Variants in DNAH11 observed in about 807,000 individuals in gnomAD.
DNAH11 encodes the protein axonemal beta dynein heavy chain 11.
In DNAH11, 442 loss-of-function variants were observed where a neutral mutation model predicts 526.0. The observed-to-expected ratio is 0.84, with a 90% CI of 0.78 to 0.91. DNAH11 has a LOEUF of 0.91. Among genes scored for constraint, DNAH11 ranks in the 40% least tolerant of loss-of-function variants. DNAH11 has a pLI of 0.00. For missense variants in DNAH11, 6,989 were observed against 5,448.7 expected (o/e 1.28, Z -8.90); for synonymous variants, 2,461 against 1,935.9 (o/e 1.27, Z -7.12).
At chr7:21,785,314 C>T (rs955477242) in intron 58 of DNAH11, among the ~76,000 whole-genome samples, 2 of 152,144 alleles carry the variant, frequency 1.3e-5, no homozygotes, top group African/African-American at 4.8e-5. Flanking sequence ...TAAGGAGATA[C>T]TTACATGGGT....
At chr7:21,589,453 A>C in intron 12 of DNAH11, 50 bp downstream of exon 12, 2 of 1,420,416 alleles carry the variant, frequency 1.4e-6, no homozygotes, top group Non-Finnish European at 1.9e-6. Context: ...TTTTATTATA[A>C]GCCTATTTCT....
intron 57 of DNAH11, among the ~76,000 whole-genome samples, 158 bp downstream of exon 57, chr7:21,779,262 C>G (rs1562540727): frequency 6.6e-6 from 1 of 152,214 alleles, no homozygotes; most frequent in East Asian, 1.9e-4. Flanking sequence ...GTGATTACCA[C>G]TTGACCTTTC....
intron 9 of DNAH11, among the ~76,000 whole-genome samples, chr7:21,582,620 A>G (rs1784351507): frequency 6.6e-6 from 1 of 152,222 alleles, no homozygotes; most frequent in Non-Finnish European, 1.5e-5. Context: ...TAAGAGTTAT[A>G]TAAAAGAAAA....
chr7:21,745,194 T>A, intron 51 of DNAH11, 131 bp downstream of exon 51: 2 of 953,578 alleles, frequency 2.1e-6, no homozygotes, highest in Non-Finnish European at 3.0e-6. Context: ...CATATAATTT[T>A]AAAATATAAA....
intron 55 of DNAH11, 54 bp downstream of exon 55, chr7:21,765,643 C>CACACAG: frequency 7.6e-7 from 1 of 1,312,084 alleles, no homozygotes; most frequent in East Asian, 3.0e-5. Flanking sequence ...CACACACACA[C>CACACAG]ACACACACAC....
intron 28 of DNAH11, among the ~76,000 whole-genome samples, chr7:21,655,612 C>T (rs1007648046): frequency 6.6e-6 from 1 of 152,130 alleles, no homozygotes; most frequent in African/African-American, 2.4e-5. Context: ...AAGCATTCAT[C>T]AGCCAGTATG....
chr7:21,784,371 A>C, intron 57 of DNAH11, 56 bp from the exon 58 acceptor site: 58 of 1,312,782 alleles, frequency 4.4e-5, no homozygotes, highest in Non-Finnish European at 5.5e-5. Flanking sequence ...ATTTTTCTTT[A>C]GAGATATCTG....
intron 74 of DNAH11, among the ~76,000 whole-genome samples, chr7:21,875,152 C>T (rs1003505146): frequency 6.6e-6 from 1 of 152,106 alleles, no homozygotes; most frequent in Non-Finnish European, 1.5e-5. Context: ...CTCAAAAAAT[C>T]TTTTTGAAAC....
chr7:21,593,810 TCTC>T (rs1291409450), intron 14 of DNAH11, among the ~76,000 whole-genome samples: 7 of 151,928 alleles, frequency 4.6e-5, no homozygotes, highest in Admixed American at 6.6e-5. Context: ...TGTGGAGTCT[TCTC>T]TATAGACCAG....
intron 5 of DNAH11, among the ~76,000 whole-genome samples, chr7:21,561,981 T>C (rs1169736950): frequency 6.6e-6 from 1 of 152,214 alleles, no homozygotes; most frequent in African/African-American, 2.4e-5. Context: ...CTTTAGGGTT[T>C]TCTGCATGAA....
intron 26 of DNAH11, among the ~76,000 whole-genome samples, chr7:21,637,289 C>T (rs1372912438): frequency 8.6e-5 from 13 of 151,846 alleles, no homozygotes; most frequent in African/African-American, 2.9e-4. Context: ...TCTTTTTCCT[C>T]TTCCCATTCT....
intron 65 of DNAH11, among the ~76,000 whole-genome samples, chr7:21,835,242 C>A (rs10274981): frequency 0.032 from 2,666 of 83,062 alleles, 78 homozygotes; most frequent in African/African-American, 0.13. Flanking sequence ...AAAAAAAAAA[C>A]AGAGGGAGTT....
intron 25 of DNAH11, among the ~76,000 whole-genome samples, chr7:21,630,463 T>C (rs1786552921): frequency 6.6e-6 from 1 of 152,240 alleles, no homozygotes; most frequent in African/African-American, 2.4e-5. Context: ...TATTTCAGAT[T>C]GAAGAATTTC....
intron 2 of DNAH11, among the ~76,000 whole-genome samples, chr7:21,552,842 T>G (rs1277769001): frequency 6.6e-6 from 1 of 152,102 alleles, no homozygotes; most frequent in African/African-American, 2.4e-5. Context: ...CTTATGTTCA[T>G]AGGGTATCTT....
intron 63 of DNAH11, among the ~76,000 whole-genome samples, chr7:21,811,547 G>T (rs1789524556): frequency 1.3e-5 from 2 of 152,172 alleles, no homozygotes; most frequent in South Asian, 2.1e-4. Flanking sequence ...AAGTGGAATG[G>T]TGGTTACCAG....
chr7:21,742,220 T>A (rs1009455322), intron 49 of DNAH11, 54 bp downstream of exon 49: 2 of 1,571,926 alleles, frequency 1.3e-6, no homozygotes, highest in Non-Finnish European at 1.7e-6. Context: ...ATGATAATAC[T>A]ATGTATTAGC....
intron 18 of DNAH11, among the ~76,000 whole-genome samples, chr7:21,606,184 A>T (rs2128448797): frequency 6.6e-6 from 1 of 152,244 alleles, no homozygotes; most frequent in Non-Finnish European, 1.5e-5. Context: ...TTATCTGGGC[A>T]TGGTGGTACA....
In DNAH11 at chr7:21,894,797, A is replaced by G. The variant is rs1235125251; in HGVS notation, c.12925A>G (p.Ser4309Gly). The G allele has an allele frequency of 3.1e-6, 5 of 1,608,946 alleles. No individual in the cohort carries two copies. In the Admixed American group the frequency reaches 5.0e-5, roughly 16 times the overall value. ...TATATCACTTGAACAACTGGACCTT[A>G]GTTTGAAGGTAAGCTTAAAGTGAGG... is the stretch of plus-strand genomic sequence containing the variant. ...IRISLEQLDL[S>G]LKGELALSPA... Residue 4309 changes from serine to glycine, a missense_variant, in exon 78 of 82, where the codon AGT becomes GGT. Transcript: ENST00000409508.
At chr7:21,673,555 C>T (rs1357341406) in intron 30 of DNAH11, among the ~76,000 whole-genome samples, 3 of 152,122 alleles carry the variant, frequency 2.0e-5, no homozygotes, top group Non-Finnish European at 4.4e-5. Flanking sequence ...GAGCATTTCT[C>T]CATCTCTGCT....
Sources: gnomAD v4.1 joint callset for allele counts (sites outside exome capture counted in the v4.1 genomes callset) on GRCh38, gnomAD v4.1.1 for gene constraint, MANE v1.5 for transcripts, NCBI Gene and HGNC (gene_info 2026-07-23, HGNC 2026-07-21) for gene names.